NELL2: variants seen among roughly 807,000 people sequenced by gnomAD.
NELL2 encodes protein kinase C-binding protein NELL2.
Under a neutral mutation model 109.6 loss-of-function variants are expected in NELL2, and 41 were observed. The observed-to-expected ratio is 0.37, with a 90% confidence interval of 0.29 to 0.49. The LOEUF (loss-of-function observed/expected upper bound fraction) is 0.49. Among genes scored for constraint, NELL2 ranks in the 20% least tolerant of loss-of-function variants. The pLI is 0.98. For missense variants in NELL2, 900 were observed against 1,008.3 expected, an observed-to-expected ratio of 0.89 and a Z score of 1.45; for synonymous variants, 355 against 344.7, an observed-to-expected ratio of 1.03 and a Z score of -0.33.
At chr12:44,920,075 G>T (rs1427885269) in intron 1 of NELL2, among the ~76,000 whole-genome samples, 2 of 151,980 alleles carry the variant, frequency 1.3e-5, no homozygotes, top group Non-Finnish European at 2.9e-5. Context: ...AAAGGAAAGA[G>T]GAATAGTCAC....
intron 10 of NELL2, among the ~76,000 whole-genome samples, chr12:44,712,405 G>A (rs1018849831): frequency 6.6e-6 from 1 of 151,942 alleles, no homozygotes; most frequent in East Asian, 1.9e-4. Context: ...GTCTTCTTTT[G>A]GTTTAGTAGT....
At chr12:44,629,429 G>A (rs926994664) in intron 13 of NELL2, among the ~76,000 whole-genome samples, 3 of 152,136 alleles carry the variant, frequency 2.0e-5, no homozygotes, top group Non-Finnish European at 2.9e-5. Flanking sequence ...ATTGTGTTTA[G>A]GAGTAGGATG....
chr12:44,605,323 G>A (rs1365098509), intron 15 of NELL2, among the ~76,000 whole-genome samples: 2 of 152,150 alleles, frequency 1.3e-5, no homozygotes, highest in African/African-American at 4.8e-5. Context: ...AGAGTAAGGT[G>A]ATGTATAAAG....
intron 12 of NELL2, among the ~76,000 whole-genome samples, chr12:44,684,754 C>A (rs980039791): frequency 2.6e-5 from 4 of 152,098 alleles, no homozygotes; most frequent in Non-Finnish European, 5.9e-5. Flanking sequence ...ATCCTGAGTT[C>A]TAGTTTGATT....
intron 15 of NELL2, among the ~76,000 whole-genome samples, chr12:44,598,389 A>G (rs538541624): frequency 2.4e-4 from 37 of 152,252 alleles, no homozygotes; most frequent in African/African-American, 8.7e-4. Context: ...AAACAGCCTC[A>G]TCCCCCAGCT....
chr12:44,881,428 T>A (rs1014082390), intron 1 of NELL2, among the ~76,000 whole-genome samples: 4 of 151,746 alleles, frequency 2.6e-5, no homozygotes, highest in African/African-American at 7.3e-5. Flanking sequence ...ATAAAAGATA[T>A]AGAGAAGAAC....
intron 12 of NELL2, among the ~76,000 whole-genome samples, chr12:44,697,800 G>A (rs947978136): frequency 2.0e-5 from 3 of 152,192 alleles, no homozygotes; most frequent in African/African-American, 7.2e-5. Flanking sequence ...GATTGTATTA[G>A]TTTTCTAGGA....
At chr12:44,662,376 A>T (rs184858156) in intron 13 of NELL2, among the ~76,000 whole-genome samples, 1 of 152,282 alleles carries the variant, frequency 6.6e-6, no homozygotes, top group African/African-American at 2.4e-5. Flanking sequence ...CTTTTGTATG[A>T]CTGCAAATTA....
rs574015490 is a variant in NELL2 at position 44,834,558 on chromosome 12, G to A, written c.185-18422C>T. On this transcript the variant is annotated intron_variant, in intron 2 of 19. Coordinates refer to ENST00000429094, the MANE Select transcript of NELL2 (RefSeq NM_001145108.2). ...AAATACCCAGGGGGCCAGGCCCAGT[G>A]CTGCCCCTCCTGGACAACAATTTAG... Among the ~76,000 whole-genome samples the A allele has an allele frequency of 1.3e-3, 193 of 151,950 alleles. 1 individual carries two copies. The highest frequency in any genetic ancestry group is 4.5e-3 in the African/African-American group (186 of 41,428).
At chr12:44,642,858 G>T (rs1382531275) in intron 13 of NELL2, among the ~76,000 whole-genome samples, 2 of 152,144 alleles carry the variant, frequency 1.3e-5, no homozygotes, top group Non-Finnish European at 2.9e-5. Context: ...CTTCAGTCTG[G>T]GAGACAGAGC....
At chr12:44,752,392 C>T (rs1315843095) in intron 9 of NELL2, among the ~76,000 whole-genome samples, 1 of 152,090 alleles carries the variant, frequency 6.6e-6, no homozygotes, top group Non-Finnish European at 1.5e-5. Context: ...GTATGACTGA[C>T]ATACAGTATC....
intron 12 of NELL2, among the ~76,000 whole-genome samples, chr12:44,694,935 T>C (rs1235863163): frequency 6.6e-6 from 1 of 151,898 alleles, no homozygotes; most frequent in East Asian, 1.9e-4. Flanking sequence ...TATGCAAATA[T>C]GGTTATGTCA....
chr12:44,832,337 A>G (rs1943914965), intron 2 of NELL2, among the ~76,000 whole-genome samples: 1 of 152,234 alleles, frequency 6.6e-6, no homozygotes, highest in South Asian at 2.1e-4. Flanking sequence ...AGCAAGTACT[A>G]GATGTCATGA....
chr12:44,835,097 A>C (rs1013281591), intron 2 of NELL2, among the ~76,000 whole-genome samples: 3 of 152,102 alleles, frequency 2.0e-5, no homozygotes, highest in Non-Finnish European at 2.9e-5. Context: ...CCATGGTATC[A>C]AAGCTGCTGC....
intron 13 of NELL2, among the ~76,000 whole-genome samples, chr12:44,628,586 C>A (rs1362572104): frequency 2.0e-5 from 3 of 152,162 alleles, no homozygotes. Flanking sequence ...CTGTAATGTT[C>A]TTCCCCAGGT....
chr12:44,891,332 A>G (rs1945531864), intron 1 of NELL2, among the ~76,000 whole-genome samples: 1 of 152,212 alleles, frequency 6.6e-6, no homozygotes, highest in Non-Finnish European at 1.5e-5. Flanking sequence ...ATGGGAGCAG[A>G]TCTTGCTAAA....
chr12:44,536,511 A>G (rs1427693380), intron 15 of NELL2, among the ~76,000 whole-genome samples: 1 of 151,936 alleles, frequency 6.6e-6, no homozygotes, highest in African/African-American at 2.4e-5. Flanking sequence ...AGACCTGGGG[A>G]AAAAAATGTT....
At chr12:44,880,595 A>G (rs1445811665), upstream of NELL2, among the ~76,000 whole-genome samples, 2 of 152,086 alleles carry the variant, frequency 1.3e-5, no homozygotes, top group African/African-American at 4.8e-5. Context: ...ATAGTATTAT[A>G]CATAACATTT....
intron 9 of NELL2, among the ~76,000 whole-genome samples, chr12:44,723,371 G>A (rs1474830558): frequency 6.6e-6 from 1 of 152,190 alleles, no homozygotes; most frequent in East Asian, 1.9e-4. Context: ...AATAGAGGCA[G>A]TCCAGAGATA....
Sources: allele counts gnomAD v4.1 joint callset (sites outside exome capture counted in the v4.1 genomes callset), GRCh38; gene constraint gnomAD v4.1.1; transcripts MANE v1.5; gene names NCBI Gene and HGNC (gene_info 2026-07-23, HGNC 2026-07-21).